The following MYH16 variants were observed in gnomAD, a reference collection of about 807,000 sequenced individuals.
MYH16 encodes the protein putative uncharacterized protein MYH16.
chr7:99,279,834 C>T (rs1281577813), intron 22 of MYH16, 97 bp downstream of exon 4: 2 of 373,646 alleles, frequency 5.4e-6, no homozygotes, highest in East Asian at 1.5e-4. Flanking sequence ...GCCCTGACCA[C>T]TGACCACATG....
intron 22 of MYH16, among the ~76,000 whole-genome samples, 189 bp from the exon 5 acceptor site, chr7:99,280,687 C>T (rs546272941): frequency 5.3e-5 from 8 of 152,274 alleles, no homozygotes; most frequent in South Asian, 2.1e-4. Flanking sequence ...TGCCGACATC[C>T]GGGGACCACA....
At chr7:99,277,933 G>GAC (rs1562780480) in intron 21 of MYH16, among the ~76,000 whole-genome samples, 27 of 135,420 alleles carry the variant, frequency 2.0e-4, no homozygotes, top group South Asian at 9.4e-4. Flanking sequence ...GAGAGAGAGA[G>GAC]AGAGACAGAC....
chr7:99,310,047 A>G (rs1206622952), downstream of MYH16, among the ~76,000 whole-genome samples: 1 of 152,152 alleles, frequency 6.6e-6, no homozygotes, highest in Non-Finnish European at 1.5e-5. Flanking sequence ...AAAAAAACTG[A>G]AAAGAAAAAA....
chr7:99,294,128 A>G (rs1228632906), exon 33 of MYH16: 2 of 456,052 alleles, frequency 4.4e-6, no homozygotes, highest in East Asian at 1.4e-4. Flanking sequence ...GAAGTTGAGG[A>G]CCTCACCATC....
At chr7:99,304,186 G>A (rs555638489) in intron 39 of MYH16, among the ~76,000 whole-genome samples, 1 of 152,348 alleles carries the variant, frequency 6.6e-6, no homozygotes, top group African/African-American at 2.4e-5. Flanking sequence ...TAGAATGAAT[G>A]TAAGGAGAAA....
At chr7:99,263,306 G>A (rs944348007) in intron 13 of MYH16, 1 of 153,174 alleles carries the variant, frequency 6.5e-6, no homozygotes, top group African/African-American at 2.4e-5. Flanking sequence ...GAACCTCAAA[G>A]TTACCCACTG....
intron 33 of MYH16, among the ~76,000 whole-genome samples, chr7:99,295,621 C>G (rs556075860): frequency 6.6e-6 from 1 of 151,966 alleles, no homozygotes; most frequent in African/African-American, 2.4e-5. Flanking sequence ...AATACAAGAA[C>G]GTGGCTCCAT....
At chr7:99,291,626 C>CCA (rs71108438) in intron 31 of MYH16, among the ~76,000 whole-genome samples, 176 bp downstream of exon 12, 3 of 115,522 alleles carry the variant, frequency 2.6e-5, no homozygotes, top group Admixed American at 2.5e-4. Flanking sequence ...GACCCCCCCC[C>CCA]ACCCCCCCCA....
At chr7:99,275,754 A>C (rs60205316) in intron 20 of MYH16, among the ~76,000 whole-genome samples, 10,739 of 152,242 alleles carry the variant, frequency 0.071, 726 homozygotes, top group African/African-American at 0.18. Flanking sequence ...TGTTGTTGAG[A>C]CAAAATCTTG....
Position 99,246,206 on chromosome 7 carries a change from TA to T in MYH16, n.355-1375del, listed in dbSNP as rs111736161. 2.2e-3 allele frequency among the ~76,000 whole-genome samples: 224 copies of T among 100,476 alleles called. 1 individual carries two copies. Among genetic ancestry groups the T allele is most frequent in the Admixed American group, 3.3e-3 (30 of 9,030 alleles). 65.9% of individuals were successfully genotyped at this position (100,476 alleles called of 152,430 possible). On this transcript the variant is annotated intron_variant and non_coding_transcript_variant, in intron 2 of 41. Coordinates refer to ENST00000439784, the Ensembl canonical transcript of MYH16. ...GGGTGATAGAGCAAGGCTCTGTCTC[TA>T]AAAAAAAAAAAAGAAAGAAAAGAAA...
downstream of MYH16, among the ~76,000 whole-genome samples, chr7:99,310,026 T>TA (rs529095080): frequency 4.1e-5 from 6 of 147,760 alleles, 1 homozygote; most frequent in South Asian, 1.1e-3. Context: ...TCCAGAAAAA[T>TA]AAAAAAATAA....
intron 37 of MYH16, among the ~76,000 whole-genome samples, chr7:99,300,028 C>T (rs112825960): frequency 0.012 from 1,853 of 151,520 alleles, 34 homozygotes; most frequent in African/African-American, 0.042. Flanking sequence ...GGTGCAATCT[C>T]GGCTCACTGT....
rs116360508 is a variant in MYH16 at position 99,239,907 on chromosome 7, G to A, written n.210+869G>A. 3.1e-3 allele frequency among the ~76,000 whole-genome samples: 475 copies of A among 152,228 alleles called. 4 individuals are homozygous for A. The highest frequency in any genetic ancestry group is 0.011 in the African/African-American group (454 of 41,508). On this transcript the variant is annotated intron_variant and non_coding_transcript_variant, in intron 1 of 41. Transcript: ENST00000439784. ...TAGAAAATTTGGCTTATTAGGCTAG[G>A]CGTGGTGGCTCACACCTGTAATCCC... is the stretch of plus-strand genomic sequence containing the variant.
exon 25 of MYH16, chr7:99,284,001 C>T (rs746947337): frequency 4.4e-6 from 2 of 451,934 alleles, no homozygotes; most frequent in South Asian, 1.6e-5. Flanking sequence ...AGCTGGATCT[C>T]GAGGAGGTGG....
At chr7:99,252,016 T>C (rs1324452866) in intron 6 of MYH16, among the ~76,000 whole-genome samples, 1 of 151,928 alleles carries the variant, frequency 6.6e-6, no homozygotes, top group Non-Finnish European at 1.5e-5. Flanking sequence ...AGAACCCTCT[T>C]TAGTATTAAT....
chr7:99,239,035 CCAGG>C (rs1474552813), intron 1 of MYH16: 1 of 152,650 alleles, frequency 6.6e-6, no homozygotes, highest in Non-Finnish European at 1.5e-5. Flanking sequence ...CGATCACCAA[CCAGG>C]TGAGTGGGGC....
intron 1 of MYH16, among the ~76,000 whole-genome samples, chr7:99,240,324 C>G (rs1238150067): frequency 6.6e-6 from 1 of 152,118 alleles, no homozygotes; most frequent in Non-Finnish European, 1.5e-5. Flanking sequence ...CATTCCATCC[C>G]TTCATGGTGG....
chr7:99,283,872 G>T lies in MYH16; in HGVS notation n.3080-1G>T. 1 of 455,528 alleles carries T rather than the reference G, an allele frequency of 2.2e-6. No homozygotes were observed. 28.2% of individuals were successfully genotyped at this position (455,528 alleles called of 1,614,324 possible). On this transcript the variant is annotated splice_acceptor_variant and non_coding_transcript_variant, in intron 24 of 41. Coordinates refer to ENST00000439784, the Ensembl canonical transcript of MYH16. ...TTCTCTTGCTGTTCTTGTCTCTGTA[G>T]CTGGAGGATAACTGGGAGCAGGAAA...
chr7:99,267,051 TC>T (rs1562777704), intron 18 of MYH16: 1 of 152,538 alleles, frequency 6.6e-6, no homozygotes, highest in African/African-American at 2.4e-5. Flanking sequence ...GGGTGTGGAT[TC>T]CACCTGACCA....
Sources: gnomAD v4.1 joint callset for allele counts (sites outside exome capture counted in the v4.1 genomes callset) on GRCh38, gnomAD v4.1.1 for gene constraint, MANE v1.5 for transcripts, NCBI Gene and HGNC (gene_info 2026-07-23, HGNC 2026-07-21) for gene names.